EPHA3: variants seen among roughly 807,000 people sequenced by gnomAD.
The protein encoded by EPHA3 is EPH receptor A3.
A neutral mutation model predicts 107.1 loss-of-function variants in EPHA3; 42 were observed. That is an observed-to-expected ratio of 0.39 (90% CI 0.31 to 0.51). The LOEUF (loss-of-function observed/expected upper bound fraction) is 0.51. Among genes scored for constraint, EPHA3 ranks in the 20% least tolerant of loss-of-function variants. The pLI is 0.78. For missense variants in EPHA3, 1,183 were observed against 1,211.2 expected, an observed-to-expected ratio of 0.98 and a Z score of 0.35; for synonymous variants, 461 against 424.8, an observed-to-expected ratio of 1.09 and a Z score of -1.05.
intron 1 of EPHA3, among the ~76,000 whole-genome samples, chr3:89,116,856 A>G (rs545984422): frequency 2.0e-5 from 3 of 152,116 alleles, no homozygotes; most frequent in Non-Finnish European, 4.4e-5. Context: ...CAGAGAATTC[A>G]TGTCAATTAC....
At chr3:89,445,604 G>A (rs1709863934) in intron 13 of EPHA3, among the ~76,000 whole-genome samples, 1 of 152,120 alleles carries the variant, frequency 6.6e-6, no homozygotes, top group Admixed American at 6.6e-5. Flanking sequence ...TTGAGTGTTT[G>A]TAATAACATG....
intron 3 of EPHA3, among the ~76,000 whole-genome samples, chr3:89,293,540 G>A (rs1268753277): frequency 2.6e-5 from 4 of 152,088 alleles, no homozygotes; most frequent in Non-Finnish European, 2.9e-5. Flanking sequence ...ATCTCAAATC[G>A]TAATCCCCAT....
At position 89,210,351 on chromosome 3, in the gene EPHA3, G is replaced by T. The variant is rs371307327; in HGVS notation, c.645G>T (p.Thr215=). The change falls in exon 3 of 17, where the codon ACG becomes ACT. Residue 215 remains threonine (T), a synonymous_variant. Transcript: ENST00000336596. ...TVKNLAMFPD[T]VPMDSQSLVE... Reference sequence around the variant, plus strand: ...AGAATCTGGCTATGTTTCCAGACACGGTACCCATGGACTCCCAGTCCCTGG... The same window carrying T: ...AGAATCTGGCTATGTTTCCAGACACTGTACCCATGGACTCCCAGTCCCTGG... The T allele has an allele frequency of 1.2e-6, 2 of 1,613,660 alleles. No homozygotes were observed. The highest frequency in any genetic ancestry group is 3.3e-5 in the Admixed American group (2 of 59,968).
chr3:89,373,392 A>G (rs1352206807), intron 5 of EPHA3, among the ~76,000 whole-genome samples: 2 of 151,940 alleles, frequency 1.3e-5, no homozygotes, highest in East Asian at 3.9e-4. Flanking sequence ...CTTTATATAG[A>G]TAACTTTGCA....
chr3:89,120,610 G>A (rs956148548), intron 1 of EPHA3, among the ~76,000 whole-genome samples: 21 of 152,290 alleles, frequency 1.4e-4, no homozygotes, highest in African/African-American at 4.8e-4. Flanking sequence ...GCATAGGATT[G>A]ACATTTACTA....
intron 3 of EPHA3, among the ~76,000 whole-genome samples, chr3:89,214,760 T>C (rs1352321583): frequency 6.6e-6 from 1 of 151,940 alleles, no homozygotes; most frequent in Non-Finnish European, 1.5e-5. Context: ...ATAGTATGAA[T>C]CTTCCCACTG....
At chr3:89,218,009 T>C (rs997446681) in intron 3 of EPHA3, among the ~76,000 whole-genome samples, 2 of 152,184 alleles carry the variant, frequency 1.3e-5, no homozygotes, top group African/African-American at 2.4e-5. Flanking sequence ...TACTTCTACA[T>C]TGAATATAAA....
chr3:89,424,423 T>A (rs1453000652), intron 11 of EPHA3, among the ~76,000 whole-genome samples: 1 of 151,364 alleles, frequency 6.6e-6, no homozygotes, highest in Non-Finnish European at 1.5e-5. Context: ...CCCACAAATG[T>A]CACATTTAAT....
intron 3 of EPHA3, among the ~76,000 whole-genome samples, chr3:89,337,076 A>G (rs1211892392): frequency 2.6e-5 from 4 of 151,986 alleles, no homozygotes; most frequent in Non-Finnish European, 4.4e-5. Flanking sequence ...GAAAAAAAAA[A>G]AAAGAAAAAC....
intron 3 of EPHA3, among the ~76,000 whole-genome samples, chr3:89,226,154 C>G (rs1045693497): frequency 6.6e-6 from 1 of 152,010 alleles, no homozygotes; most frequent in Non-Finnish European, 1.5e-5. Flanking sequence ...ATCAGAGGTC[C>G]TCAGGGTTTA....
intron 5 of EPHA3, among the ~76,000 whole-genome samples, chr3:89,391,957 A>C (rs1257048140): frequency 6.6e-6 from 1 of 152,124 alleles, no homozygotes; most frequent in East Asian, 1.9e-4. Context: ...TTTGCTAAAA[A>C]TTATTACCTT....
intron 2 of EPHA3, among the ~76,000 whole-genome samples, chr3:89,168,509 A>G (rs964058823): frequency 6.6e-6 from 1 of 152,144 alleles, no homozygotes; most frequent in Non-Finnish European, 1.5e-5. Flanking sequence ...AAATTTTTAC[A>G]TGTTTAATGT....
intron 3 of EPHA3, among the ~76,000 whole-genome samples, chr3:89,272,856 C>T (rs1487938264): frequency 1.3e-5 from 2 of 151,756 alleles, no homozygotes; most frequent in Non-Finnish European, 2.9e-5. Flanking sequence ...TTAAAGTAAA[C>T]GTAAATCTGG....
chr3:89,169,420 C>T (rs1480462977), intron 2 of EPHA3, among the ~76,000 whole-genome samples: 3 of 152,142 alleles, frequency 2.0e-5, no homozygotes, highest in African/African-American at 7.2e-5. Context: ...TGTTCTCATT[C>T]TCTGTTACTT....
intron 2 of EPHA3, among the ~76,000 whole-genome samples, chr3:89,204,007 A>G (rs1027835775): frequency 6.6e-5 from 10 of 152,228 alleles, no homozygotes; most frequent in East Asian, 5.8e-4. Flanking sequence ...TGTGCCTTTA[A>G]TAGCCTGTAT....
In EPHA3 at chr3:89,481,984, A is replaced by G. The variant is rs1206308457; in HGVS notation, c.*2482A>G. 4.5e-6 allele frequency: 1 copy of G among 224,600 alleles called. No homozygotes were observed. Among genetic ancestry groups the G allele is most frequent in the African/African-American group, 2.2e-5 (1 of 44,914 alleles). The allele number at this position is 224,600 out of a possible 1,614,324, so 13.9% of individuals were successfully genotyped here. A position where few individuals can be genotyped will look rare whatever the true frequency, so the allele number is the denominator to read the frequency against. On this transcript the variant is annotated 3_prime_UTR_variant, in exon 17 of 17. Coordinates refer to ENST00000336596, the MANE Select transcript of EPHA3 (RefSeq NM_005233.6). ...ATGTATAAATGTGATATGATTGGCA[A>G]TATGTGTTTACTTTAAACTTGTCTT... is the stretch of plus-strand genomic sequence containing the variant.
At chr3:89,396,053 G>A in intron 6 of EPHA3, 92 bp downstream of exon 6, 1 of 1,528,616 alleles carries the variant, frequency 6.5e-7, no homozygotes, top group Non-Finnish European at 8.9e-7. Context: ...TGACATTCCT[G>A]GTAAATGGTA....
chr3:89,201,720 C>T (rs1450515217), intron 2 of EPHA3, among the ~76,000 whole-genome samples: 17 of 152,200 alleles, frequency 1.1e-4, no homozygotes, highest in Admixed American at 5.2e-4. Flanking sequence ...AGAAGTGCTT[C>T]GAGTGTTTAT....
chr3:89,161,303 C>T (rs1704936324), intron 2 of EPHA3, among the ~76,000 whole-genome samples: 1 of 152,140 alleles, frequency 6.6e-6, no homozygotes, highest in Admixed American at 6.6e-5. Flanking sequence ...TCTCTCTCCA[C>T]CTCTGCCAGT....
Sources: allele counts gnomAD v4.1 joint callset (sites outside exome capture counted in the v4.1 genomes callset), GRCh38; gene constraint gnomAD v4.1.1; transcripts MANE v1.5; gene names NCBI Gene and HGNC (gene_info 2026-07-23, HGNC 2026-07-21).